Variants in TTC1 observed in about 807,000 individuals in gnomAD.
TTC1 encodes tetratricopeptide repeat protein 1.
Under a neutral mutation model 37.6 loss-of-function variants are expected in TTC1, and 31 were observed. The ratio of observed to expected loss-of-function variants is 0.82; its 90% CI spans 0.62 to 1.11. The LOEUF (loss-of-function observed/expected upper bound fraction) is 1.11. Among genes scored for constraint, TTC1 ranks in the 50% most tolerant of loss-of-function variants. The pLI is 0.00. For missense variants in TTC1, 351 were observed against 339.0 expected (o/e 1.04, Z -0.28); for synonymous variants, 127 against 122.4 (o/e 1.04, Z -0.25).
In TTC1 at chr5:160,057,421, A is replaced by G. The variant is rs893307033; in HGVS notation, c.745+6238A>G. On this transcript the variant is annotated intron_variant, in intron 7 of 7. Coordinates refer to ENST00000231238, the MANE Select transcript of TTC1 (RefSeq NM_003314.3). The surrounding 1 kb of genome is among the most constrained non-coding windows in gnomAD (Gnocchi z 4.4). ...CACTGTGTCTAAAAAAAAAAAATGT[A>G]CATACCTTAATTTTAAAATACATTA... Among the ~76,000 whole-genome samples the G allele has an allele frequency of 6.6e-6, 1 of 151,834 alleles. No homozygotes were observed. The highest frequency in any genetic ancestry group is 1.5e-5 in the Non-Finnish European group (1 of 67,876).
At chr5:160,038,386 C>G (rs1305105844) in intron 4 of TTC1, among the ~76,000 whole-genome samples, 1 of 152,176 alleles carries the variant, frequency 6.6e-6, no homozygotes, top group Non-Finnish European at 1.5e-5. Flanking sequence ...GAAATAGGAT[C>G]AAGGATGTGC....
At chr5:160,036,377 G>T (rs1756999082) in intron 3 of TTC1, 1 of 218,446 alleles carries the variant, frequency 4.6e-6, no homozygotes, top group African/African-American at 2.2e-5. Flanking sequence ...TTTCTGAATT[G>T]CCCAGCCAAA....
At chr5:160,019,075 T>C (rs903815635) in intron 2 of TTC1, among the ~76,000 whole-genome samples, 4 of 152,200 alleles carry the variant, frequency 2.6e-5, no homozygotes, top group Admixed American at 2.0e-4. Context: ...CATTTTTTAT[T>C]TGTAAGCCAA....
At chr5:160,034,085 A>G (rs1333623759) in intron 2 of TTC1, among the ~76,000 whole-genome samples, 6 of 150,384 alleles carry the variant, frequency 4.0e-5, no homozygotes, top group Admixed American at 4.0e-4. Context: ...CTGTGAATAG[A>G]CACTGCACTC....
intron 2 of TTC1, among the ~76,000 whole-genome samples, chr5:160,032,771 T>C (rs1756934740): frequency 7.3e-6 from 1 of 136,712 alleles, no homozygotes; most frequent in South Asian, 2.5e-4. Context: ...TAGAGTGCAG[T>C]GGCGCGGCCT....
At chr5:160,058,765 C>A (rs1166585479) in intron 7 of TTC1, among the ~76,000 whole-genome samples, 2 of 152,122 alleles carry the variant, frequency 1.3e-5, no homozygotes, top group African/African-American at 4.8e-5. Flanking sequence ...ACTCCTTGAT[C>A]TGTGGGCTGT....
intron 7 of TTC1, among the ~76,000 whole-genome samples, chr5:160,054,261 A>C (rs1757482850): frequency 6.6e-6 from 1 of 152,200 alleles, no homozygotes. Flanking sequence ...GGAGCTAGTC[A>C]TTGATGCTTT....
At chr5:160,035,513 G>A (rs1756986170) in intron 3 of TTC1, among the ~76,000 whole-genome samples, 1 of 152,266 alleles carries the variant, frequency 6.6e-6, no homozygotes. Flanking sequence ...TAAAGGTTAT[G>A]TGCTGCATTG....
chr5:160,027,633 A>T (rs1473277773), intron 2 of TTC1, among the ~76,000 whole-genome samples: 1 of 152,114 alleles, frequency 6.6e-6, no homozygotes, highest in Non-Finnish European at 1.5e-5. Flanking sequence ...AGCCTGAAGG[A>T]CTTTAATATA....
chr5:160,013,136 T>A (rs1343836759), intron 2 of TTC1, among the ~76,000 whole-genome samples: 4 of 152,222 alleles, frequency 2.6e-5, no homozygotes, highest in African/African-American at 9.6e-5. Context: ...GTCTTATTAT[T>A]TAGAGAAATG....
chr5:160,057,120 A>G lies in TTC1; in HGVS notation c.745+5937A>G, dbSNP rs925454969. 6.6e-6 allele frequency among the ~76,000 whole-genome samples: 1 copy of G among 152,226 alleles called. No homozygotes were observed. Among genetic ancestry groups the G allele is most frequent in the African/African-American group, 2.4e-5 (1 of 41,454 alleles). On this transcript the variant is annotated intron_variant, in intron 7 of 7. Transcript: ENST00000231238. This position sits in a 1 kb window ranked among gnomAD's most constrained non-coding sequence, Gnocchi z 4.4. ...TGGTTGGTTGTTCCCTCAGTAGAGA[A>G]TATCAGTAGCTTTTCAGTGCTTTGC...
At chr5:160,029,679 A>C (rs752945844) in intron 2 of TTC1, among the ~76,000 whole-genome samples, 3 of 152,068 alleles carry the variant, frequency 2.0e-5, no homozygotes, top group Non-Finnish European at 4.4e-5. Context: ...GACTCCTTGG[A>C]GATATGGCAA....
At chr5:160,049,402 A>T in intron 5 of TTC1, 112 bp from the exon 6 acceptor site, 1 of 1,070,854 alleles carries the variant, frequency 9.3e-7, no homozygotes, top group Non-Finnish European at 1.3e-6. Flanking sequence ...CACTTGGCAA[A>T]TGACTCTTCC....
chr5:160,024,675 T>G (rs1227137644), intron 2 of TTC1, among the ~76,000 whole-genome samples: 1 of 151,912 alleles, frequency 6.6e-6, no homozygotes, highest in African/African-American at 2.4e-5. Flanking sequence ...TTTTTTTTTT[T>G]TTTTCAGGAT....
intron 2 of TTC1, among the ~76,000 whole-genome samples, chr5:160,016,640 T>A (rs1191455611): frequency 7.9e-5 from 12 of 152,192 alleles, no homozygotes. Context: ...TATTTGCTTT[T>A]TTTTTCAGTA....
chr5:160,057,237 C>T lies in TTC1; in HGVS notation c.745+6054C>T, dbSNP rs539683123. Among the ~76,000 whole-genome samples, 4 of 152,268 alleles carry T rather than the reference C, an allele frequency of 2.6e-5. No homozygotes were observed. In the South Asian group the frequency reaches 8.3e-4, roughly 32 times the overall value. On this transcript the variant is annotated intron_variant, in intron 7 of 7. Transcript: ENST00000231238. The surrounding 1 kb of genome is among the most constrained non-coding windows in gnomAD (Gnocchi z 4.4). ...AAGTTCTTGGTAAGGCTTCTTTCAG[C>T]CCTCGAATTTACCCAAGGTCAAATA...
chr5:160,057,465 G>A lies in TTC1; in HGVS notation c.745+6282G>A, dbSNP rs988343364. Among the ~76,000 whole-genome samples the A allele has an allele frequency of 6.6e-6, 1 of 151,924 alleles. No individual in the cohort carries two copies. Among genetic ancestry groups the A allele is most frequent in the Non-Finnish European group, 1.5e-5 (1 of 67,954 alleles). ...TACATTATTAAAAAATGCTGACGAT[G>A]AGCCCAGCCTTTAGGGAGTTGTAAT... On this transcript the variant is annotated intron_variant, in intron 7 of 7. Transcript: ENST00000231238. The surrounding 1 kb of genome is among the most constrained non-coding windows in gnomAD (Gnocchi z 4.4).
chr5:160,024,827 T>C (rs947685711), intron 2 of TTC1, among the ~76,000 whole-genome samples: 6 of 152,056 alleles, frequency 3.9e-5, no homozygotes, highest in South Asian at 2.1e-4. Context: ...AGGTTTGTTT[T>C]TGTTTTGTTT....
At chr5:160,062,817 T>C (rs111288214) in intron 7 of TTC1, among the ~76,000 whole-genome samples, 6 of 151,438 alleles carry the variant, frequency 4.0e-5, no homozygotes, top group Admixed American at 6.6e-5. Flanking sequence ...GTTTTTTTTT[T>C]CCCCCTTCCT....
Sources: allele counts gnomAD v4.1 joint callset (sites outside exome capture counted in the v4.1 genomes callset), GRCh38; gene constraint gnomAD v4.1.1; non-coding constraint Gnocchi (gnomAD v3.1); transcripts MANE v1.5; gene names NCBI Gene and HGNC (gene_info 2026-07-23, HGNC 2026-07-21).